The following SLC12A3 variants were observed in gnomAD, a reference collection of about 807,000 sequenced individuals.
SLC12A3 encodes solute carrier family 12 member 3.
A neutral mutation model predicts 121.0 loss-of-function variants in SLC12A3; 104 were observed. The ratio of observed to expected loss-of-function variants is 0.86; its 90% CI spans 0.73 to 1.01. SLC12A3 has a LOEUF of 1.01. SLC12A3 is among the 50% of genes least tolerant of loss of function. The pLI, the probability that SLC12A3 is intolerant of heterozygous loss-of-function variation, is 0.00. For missense variants in SLC12A3, 1,328 were observed against 1,356.3 expected (o/e 0.98, Z 0.33); for synonymous variants, 536 against 533.4 (o/e 1.00, Z -0.07).
At chr16:56,870,562 G>A in intron 5 of SLC12A3, 64 bp from the exon 6 acceptor site, 2 of 1,110,634 alleles carry the variant, frequency 1.8e-6, no homozygotes, top group Non-Finnish European at 2.8e-6. Context: ...TCCTAGGTGG[G>A]CAGAGTCTGG....
At chr16:56,888,324 C>T (rs192863312) in intron 18 of SLC12A3, among the ~76,000 whole-genome samples, 37 of 152,246 alleles carry the variant, frequency 2.4e-4, no homozygotes, top group African/African-American at 8.4e-4. Flanking sequence ...AGAAGAAACA[C>T]GCTGAGGCTG....
intron 11 of SLC12A3, 44 bp from the exon 12 acceptor site, chr16:56,880,086 G>A (rs771844441): frequency 6.3e-7 from 1 of 1,594,916 alleles, no homozygotes; most frequent in South Asian, 1.1e-5. Context: ...GAGGGGAAGT[G>A]GCAGGTCCCA....
rs182150468 is a variant in SLC12A3, at chr16:56,870,043, A to G, written c.602-53A>G. 3,701 of 1,605,660 alleles carry G rather than the reference A, an allele frequency of 2.3e-3. 68 individuals carry two copies. The African/African-American group carries it at 0.042, about 18-fold the overall frequency. Reference sequence around the variant, plus strand: ...CCTGGCCTCTGCCTGCCCTGAGTCCACCCCAGCCAACCGACTCATCTGGTT... The same window carrying G: ...CCTGGCCTCTGCCTGCCCTGAGTCCGCCCCAGCCAACCGACTCATCTGGTT... On this transcript the variant is annotated intron_variant, in intron 4 of 25. Coordinates refer to ENST00000563236, the MANE Select transcript of SLC12A3 (RefSeq NM_001126108.2).
At chr16:56,900,810 C>T (rs1346434295) in intron 23 of SLC12A3, among the ~76,000 whole-genome samples, 2 of 152,180 alleles carry the variant, frequency 1.3e-5, no homozygotes, top group African/African-American at 2.4e-5. Context: ...AGATTACAGG[C>T]GTGAGCCACT....
At chr16:56,894,673 T>C in intron 22 of SLC12A3, 31 bp downstream of exon 22, 1 of 1,528,868 alleles carries the variant, frequency 6.5e-7, no homozygotes, top group Non-Finnish European at 9.1e-7. Context: ...TGGGGGTGAC[T>C]GCAGGGACCA....
At chr16:56,869,857 T>C in intron 4 of SLC12A3, 33 bp downstream of exon 4, 1 of 1,564,802 alleles carries the variant, frequency 6.4e-7, no homozygotes, top group Non-Finnish European at 8.8e-7. Flanking sequence ...AAGGCCCTCC[T>C]CTCGTGGGCT....
intron 19 of SLC12A3, among the ~76,000 whole-genome samples, 196 bp downstream of exon 19, chr16:56,890,552 G>A (rs2055375610): frequency 6.6e-6 from 1 of 152,178 alleles, no homozygotes; most frequent in African/African-American, 2.4e-5. Flanking sequence ...AGGTGGGGCA[G>A]AGCCAGGACT....
At chr16:56,875,799 C>T (rs1033981279) in intron 8 of SLC12A3, among the ~76,000 whole-genome samples, 3 of 143,240 alleles carry the variant, frequency 2.1e-5, no homozygotes, top group African/African-American at 2.5e-5. Context: ...GTTAAATCCC[C>T]GGGCAACAAT....
At chr16:56,906,982 C>T (rs1423271690) in intron 25 of SLC12A3, 1 of 242,998 alleles carries the variant, frequency 4.1e-6, no homozygotes, top group Non-Finnish European at 7.9e-6. Context: ...TTATCTGCAG[C>T]CATTGTGGAT....
intron 8 of SLC12A3, among the ~76,000 whole-genome samples, chr16:56,874,750 AGCCAAGATGGC>A (rs1473629968): frequency 1.3e-5 from 2 of 152,194 alleles, no homozygotes; most frequent in Non-Finnish European, 2.9e-5. Context: ...GGTTGCAGTG[AGCCAAGATGGC>A]GCCACTACAC....
At position 56,914,289 on chromosome 16, in the gene SLC12A3, A is replaced by G. The variant is rs2055726175; in HGVS notation, c.*884A>G. On this transcript the variant is annotated 3_prime_UTR_variant, in exon 26 of 26. Coordinates refer to ENST00000563236, the MANE Select transcript of SLC12A3 (RefSeq NM_001126108.2). ...GATGTCTTCACTGGTTCTTTGGACG[A>G]GGGACTTTTCGAACTTTTTTGGTTG... 6.6e-6 allele frequency: 1 copy of G among 152,230 alleles called. No homozygotes were observed. Among genetic ancestry groups the G allele is most frequent in the East Asian group, 1.9e-4 (1 of 5,204 alleles). 9.4% of individuals were successfully genotyped at this position (152,230 alleles called of 1,614,324 possible).
In SLC12A3 at chr16:56,880,126, G is replaced by A. The variant is rs2144714075; in HGVS notation, c.1444-4G>A. The A allele has an allele frequency of 6.2e-7, 1 of 1,604,340 alleles. No individual in the cohort carries two copies. The highest frequency in any genetic ancestry group is 8.5e-7 in the Non-Finnish European group (1 of 1,176,728). ...AAGGGTGAGTGCGGCATCTGGTGCTGCAGTGCCTTTGCGAGGACCAGCTGT... is the reference window on the plus strand; with the variant it reads ...AAGGGTGAGTGCGGCATCTGGTGCTACAGTGCCTTTGCGAGGACCAGCTGT... On this transcript the variant is annotated splice_region_variant and splice_polypyrimidine_tract_variant and intron_variant, in intron 11 of 25. Coordinates refer to ENST00000563236, the MANE Select transcript of SLC12A3 (RefSeq NM_001126108.2).
At chr16:56,912,484 G>T (rs1185130733) in intron 25 of SLC12A3, among the ~76,000 whole-genome samples, 3 of 152,212 alleles carry the variant, frequency 2.0e-5, no homozygotes, top group Non-Finnish European at 2.9e-5. Flanking sequence ...AAGACGCTGA[G>T]CTGGACAATG....
At chr16:56,899,089 C>T (rs2055503399) in intron 22 of SLC12A3, among the ~76,000 whole-genome samples, 1 of 152,216 alleles carries the variant, frequency 6.6e-6, no homozygotes, top group South Asian at 2.1e-4. Flanking sequence ...TCATCTAACC[C>T]ATTTTGTGGG....
At chr16:56,887,142 A>C (rs1259562606) in intron 17 of SLC12A3, 49 bp downstream of exon 17, 2 of 1,612,494 alleles carry the variant, frequency 1.2e-6, no homozygotes, top group Non-Finnish European at 1.7e-6. Flanking sequence ...TTGGTGGCAC[A>C]ACCTGGAAGG....
At chr16:56,873,374 CTTTTTTT>C (rs59478629) in intron 8 of SLC12A3, among the ~76,000 whole-genome samples, 6 of 75,370 alleles carry the variant, frequency 8.0e-5, no homozygotes, top group Admixed American at 1.8e-4. Context: ...CTCTTTCTTT[CTTTTTTT>C]TTTTTTTTTT....
intron 21 of SLC12A3, among the ~76,000 whole-genome samples, 165 bp from the exon 22 acceptor site, chr16:56,894,366 G>A (rs1046152662): frequency 6.6e-5 from 10 of 152,134 alleles, no homozygotes; most frequent in Non-Finnish European, 1.5e-4. Context: ...ACAGAGCACC[G>A]TGTGCGACTT....
chr16:56,872,340 G>C lies in SLC12A3; in HGVS notation c.853-11G>C. Reference sequence around the variant, plus strand: ...AACTATCTGACCTCTGGGGTCCTTCGCCCCCTCCAGGCCCAGGTGCTGTTC... The same window carrying C: ...AACTATCTGACCTCTGGGGTCCTTCCCCCCCTCCAGGCCCAGGTGCTGTTC... On this transcript the variant is annotated splice_polypyrimidine_tract_variant and intron_variant, in intron 6 of 25. Coordinates refer to ENST00000563236, the MANE Select transcript of SLC12A3 (RefSeq NM_001126108.2). The C allele has an allele frequency of 1.2e-6, 2 of 1,602,966 alleles. No individual in the cohort carries two copies. Among genetic ancestry groups the C allele is most frequent in the South Asian group, 1.1e-5 (1 of 90,938 alleles).
chr16:56,911,672 T>G (rs2055687859), intron 25 of SLC12A3, among the ~76,000 whole-genome samples: 1 of 122,668 alleles, frequency 8.2e-6, no homozygotes, highest in Non-Finnish European at 1.7e-5. Context: ...TGAAGCTTTG[T>G]GGATGGAACT....
Sources: gnomAD v4.1 joint callset for allele counts (sites outside exome capture counted in the v4.1 genomes callset) on GRCh38, gnomAD v4.1.1 for gene constraint, MANE v1.5 for transcripts, NCBI Gene and HGNC (gene_info 2026-07-23, HGNC 2026-07-21) for gene names.